CCDC57: variants seen among roughly 807,000 people sequenced by gnomAD.
CCDC57 encodes the protein coiled-coil domain-containing protein 57.
CCDC57 carries 118 observed loss-of-function variants against 118.9 expected under a neutral mutation model. The ratio of observed to expected loss-of-function variants is 0.99; its 90% confidence interval spans 0.86 to 1.16. The LOEUF (loss-of-function observed/expected upper bound fraction) is 1.16. Ranked by LOEUF, CCDC57 falls within the 50% of genes most tolerant of loss-of-function variation. The pLI is 0.00. For missense variants in CCDC57, 1,300 were observed against 1,320.7 expected, an observed-to-expected ratio of 0.98 and a Z score of 0.24; for synonymous variants, 527 against 532.9, an observed-to-expected ratio of 0.99 and a Z score of 0.15.
At chr17:82,107,470 C>G (rs751161063) in intron 19 of CCDC57, 5 of 470,238 alleles carry the variant, frequency 1.1e-5, no homozygotes, top group South Asian at 7.7e-5. Flanking sequence ...GCACGGCACA[C>G]GGGGCGAGGT....
chr17:82,182,074 C>A (rs1010837464), intron 9 of CCDC57, among the ~76,000 whole-genome samples: 3 of 151,766 alleles, frequency 2.0e-5, no homozygotes, highest in African/African-American at 7.3e-5. Flanking sequence ...GCTGAGATTG[C>A]GCCACTGCAC....
At chr17:82,205,108 ACACACCTG>A (rs2049461914) in intron 2 of CCDC57, among the ~76,000 whole-genome samples, 1 of 151,682 alleles carries the variant, frequency 6.6e-6, no homozygotes, top group Non-Finnish European at 1.5e-5. Flanking sequence ...ACACCTGTGC[ACACACCTG>A]TGCACACACA....
rs745573686 is a variant in CCDC57, at chr17:82,201,609, C to A, written c.336G>T (p.Lys112Asn). ...GCTGCTGCTGCTGCAGCTCCTCCAC[C>A]TTCCTGGCCTCTCTGGCTAGCGCCT... The change falls in exon 3 of 20, where the codon AAG becomes AAT. Residue 112 changes from lysine to asparagine, a missense_variant. Lys to Asn is a moderately conservative substitution (Grantham distance 94). Coordinates refer to ENST00000665763, the Ensembl canonical transcript of CCDC57. The A allele has an allele frequency of 1.9e-6, 3 of 1,613,454 alleles. No homozygotes were observed. In the African/African-American group the frequency reaches 4.0e-5, roughly 22 times the overall value.
At chr17:82,179,648 C>T (rs2045956867) in intron 9 of CCDC57, among the ~76,000 whole-genome samples, 1 of 152,020 alleles carries the variant, frequency 6.6e-6, no homozygotes, top group South Asian at 2.1e-4. Context: ...TGGGAGAGCC[C>T]CCCGAGCGAG....
At chr17:82,179,336 G>A in intron 9 of CCDC57, 147 bp from the exon 9 acceptor site, 1 of 848,010 alleles carries the variant, frequency 1.2e-6, no homozygotes, top group Non-Finnish European at 1.8e-6. Flanking sequence ...CCGAGCTCCT[G>A]TGGATGGGCA....
At position 82,162,160 on chromosome 17, in the gene CCDC57, C is replaced by T. The variant is rs187153652; in HGVS notation, c.2040+1040G>A. 3.4e-3 allele frequency among the ~76,000 whole-genome samples: 512 copies of T among 152,096 alleles called. 2 individuals carry two copies. Among genetic ancestry groups the T allele is most frequent in the Admixed American group, 6.1e-3 (93 of 15,274 alleles). On this transcript the variant is annotated intron_variant, in intron 14 of 19. Coordinates refer to ENST00000665763, the Ensembl canonical transcript of CCDC57. ...GACTATGGGTACCCGCCACCACTCC[C>T]GGCTAATTTTTTGTATTTTATAGAG...
chr17:82,144,118 C>T (rs1399942764), intron 16 of CCDC57, among the ~76,000 whole-genome samples: 1 of 151,900 alleles, frequency 6.6e-6, no homozygotes, highest in African/African-American at 2.4e-5. Flanking sequence ...AGACTGATGG[C>T]TGACCTCTCT....
At chr17:82,115,245 C>T (rs572378458) in intron 19 of CCDC57, among the ~76,000 whole-genome samples, 5 of 145,894 alleles carry the variant, frequency 3.4e-5, no homozygotes, top group African/African-American at 1.0e-4. Flanking sequence ...GCGGAGGCTC[C>T]ACCAGCATTC....
At chr17:82,149,816 C>T (rs189343073) in intron 16 of CCDC57, among the ~76,000 whole-genome samples, 16 of 151,130 alleles carry the variant, frequency 1.1e-4, no homozygotes, top group Non-Finnish European at 2.1e-4. Context: ...ACCTGACCCA[C>T]ACCCAGAACC....
intron 19 of CCDC57, among the ~76,000 whole-genome samples, chr17:82,117,767 C>CAAACAAACA (rs1555678778): frequency 1.2e-5 from 1 of 84,960 alleles, no homozygotes; most frequent in Non-Finnish European, 2.9e-5. Flanking sequence ...ACAAACAAAC[C>CAAACAAACA]ATTTGCTAAA....
intron 13 of CCDC57, among the ~76,000 whole-genome samples, chr17:82,163,674 A>AG (rs2043626314): frequency 6.6e-6 from 1 of 151,230 alleles, no homozygotes; most frequent in South Asian, 2.1e-4. Context: ...TTGGAAATGA[A>AG]GAAAAAAGAT....
intron 19 of CCDC57, among the ~76,000 whole-genome samples, chr17:82,108,334 G>A (rs1180964105): frequency 6.6e-6 from 1 of 152,166 alleles, no homozygotes; most frequent in East Asian, 1.9e-4. Flanking sequence ...GTGGACAGCC[G>A]GGCTGTTCTT....
At chr17:82,181,145 G>A (rs987580855) in intron 9 of CCDC57, among the ~76,000 whole-genome samples, 1 of 152,218 alleles carries the variant, frequency 6.6e-6, no homozygotes, top group African/African-American at 2.4e-5. Context: ...GAGAGGAGGG[G>A]AACCTGGGAT....
At chr17:82,104,715 A>G (rs1468960997) in intron 19 of CCDC57, 1 of 151,924 alleles carries the variant, frequency 6.6e-6, no homozygotes, top group East Asian at 1.9e-4. Flanking sequence ...AGTTTTTTGT[A>G]TTTTTAATAG....
At chr17:82,143,114 T>C (rs947952098) in intron 16 of CCDC57, among the ~76,000 whole-genome samples, 17 of 151,194 alleles carry the variant, frequency 1.1e-4, no homozygotes, top group African/African-American at 4.1e-4. Context: ...GATCGCGCCA[T>C]TGCACTCTAC....
At chr17:82,105,959 C>T (rs543285372) in intron 19 of CCDC57, among the ~76,000 whole-genome samples, 6 of 152,360 alleles carry the variant, frequency 3.9e-5, no homozygotes, top group Non-Finnish European at 7.3e-5. Flanking sequence ...CGCCTGCTGG[C>T]CTTTGGAGCA....
rs143199335 is a variant in CCDC57, at chr17:82,148,125, AGATGGATG to A, written c.2455+3427_2455+3434del. Among the ~76,000 whole-genome samples the A allele has an allele frequency of 4.6e-3, 352 of 75,842 alleles. 3 individuals carry two copies. The highest frequency in any genetic ancestry group is 0.017 in the South Asian group (29 of 1,668). The allele number at this position is 75,842 out of a possible 152,430, so 49.8% of individuals were successfully genotyped here. ...GGGTGGGATAAGTGGTTGGATGGTT[AGATGGATG>A]GATGGATGGATGGATGGATGGATGG... On this transcript the variant is annotated intron_variant, in intron 16 of 19. Coordinates refer to ENST00000665763, the Ensembl canonical transcript of CCDC57.
In CCDC57 at chr17:82,172,975, T is replaced by G. The variant is rs956015668; in HGVS notation, c.1507-115A>C. The G allele has an allele frequency of 1.1e-4, 100 of 907,580 alleles. No individual in the cohort carries two copies. Among genetic ancestry groups the G allele is most frequent in the Middle Eastern group, 3.0e-4 (1 of 3,354 alleles). 56.2% of individuals were successfully genotyped at this position (907,580 alleles called of 1,614,324 possible). On this transcript the variant is annotated intron_variant, in intron 11 of 19. Coordinates refer to ENST00000665763, the Ensembl canonical transcript of CCDC57. The surrounding 1 kb of genome is among the most constrained non-coding windows in gnomAD (Gnocchi z 5.2). ...TCTCGGGCCGGTCCCCCGCTTCAGC[T>G]TGGGCTGTGGTCCCTCCCCATCCCC... is the stretch of plus-strand genomic sequence containing the variant.
At chr17:82,183,856 T>C in exon 9 of CCDC57, 1 of 1,613,106 alleles carries the variant, frequency 6.2e-7, no homozygotes, top group Non-Finnish European at 8.5e-7. Context: ...TGAAGGTCTC[T>C]GGAGACCATC....
Sources: allele counts gnomAD v4.1 joint callset (sites outside exome capture counted in the v4.1 genomes callset), GRCh38; gene constraint gnomAD v4.1.1; non-coding constraint Gnocchi (gnomAD v3.1); transcripts MANE v1.5; gene names NCBI Gene and HGNC (gene_info 2026-07-23, HGNC 2026-07-21).